GALNT14: variants seen among roughly 807,000 people sequenced by gnomAD.
The protein encoded by GALNT14 is polypeptide N-acetylgalactosaminyltransferase 14, also known as UDP-GalNAc:polypeptide N-acetylgalactosaminyltransferase 14.
A neutral mutation model predicts 77.5 loss-of-function variants in GALNT14; 60 were observed. That is an observed-to-expected ratio of 0.77 (90% CI 0.63 to 0.96). The LOEUF (loss-of-function observed/expected upper bound fraction) is 0.96. Among genes scored for constraint, GALNT14 ranks in the 40% least tolerant of loss-of-function variants. GALNT14 has a pLI of 0.00. For synonymous variants in GALNT14, 280 were observed against 281.7 expected, an observed-to-expected ratio of 0.99 and a Z score of 0.06; for missense variants, 710 against 731.0, an observed-to-expected ratio of 0.97 and a Z score of 0.33.
chr2:31,121,897 A>T (rs1173053934), intron 1 of GALNT14, among the ~76,000 whole-genome samples: 1 of 152,090 alleles, frequency 6.6e-6, no homozygotes, highest in Non-Finnish European at 1.5e-5. Flanking sequence ...GATAACCAAG[A>T]TCCAAATGCT....
intron 10 of GALNT14, among the ~76,000 whole-genome samples, chr2:30,930,222 G>T (rs890933643): frequency 2.6e-5 from 4 of 152,208 alleles, no homozygotes; most frequent in Admixed American, 2.0e-4. Context: ...CAAAGGCAGG[G>T]CCTGCATGGG....
At chr2:31,009,064 G>T (rs913902464) in intron 1 of GALNT14, among the ~76,000 whole-genome samples, 1 of 152,176 alleles carries the variant, frequency 6.6e-6, no homozygotes, top group South Asian at 2.1e-4. Flanking sequence ...AGCAGAACTT[G>T]CAATTCACTT....
chr2:30,997,391 G>A (rs1670101524), intron 1 of GALNT14, among the ~76,000 whole-genome samples: 1 of 152,168 alleles, frequency 6.6e-6, no homozygotes, highest in African/African-American at 2.4e-5. Context: ...TCTATACTGT[G>A]AATTCCATTT....
At chr2:31,133,200 A>T (rs560956310) in intron 1 of GALNT14, among the ~76,000 whole-genome samples, 1 of 152,316 alleles carries the variant, frequency 6.6e-6, no homozygotes, top group Admixed American at 6.5e-5. Flanking sequence ...CTCCGCGTGT[A>T]TTAAACTCTT....
At chr2:31,129,507 A>G (rs769588964) in intron 1 of GALNT14, 25 of 985,472 alleles carry the variant, frequency 2.5e-5, no homozygotes, top group Non-Finnish European at 2.7e-5. Context: ...TCAATTGGCC[A>G]TCTATTAATA....
intron 6 of GALNT14, among the ~76,000 whole-genome samples, chr2:30,948,005 G>A (rs933848616): frequency 6.6e-6 from 1 of 152,122 alleles, no homozygotes; most frequent in Non-Finnish European, 1.5e-5. Flanking sequence ...GGGGCTCTTG[G>A]GCCACTGTCA....
chr2:31,017,708 ACCTCTCACCTGGAGAGATGCCAGCAC>A (rs1267297194), intron 1 of GALNT14, among the ~76,000 whole-genome samples: 12 of 152,090 alleles, frequency 7.9e-5, no homozygotes, highest in African/African-American at 2.9e-4. Context: ...AAAGCCCAGC[ACCTCTCACCTGGAGAGATGCCAGCAC>A]CGCTGCACAG....
intron 9 of GALNT14, among the ~76,000 whole-genome samples, chr2:30,941,521 T>A (rs1464219365): frequency 6.6e-6 from 1 of 152,208 alleles, no homozygotes; most frequent in African/African-American, 2.4e-5. Flanking sequence ...GAGTATTAAG[T>A]ATCACTAGCT....
At chr2:30,953,633 G>C (rs1406514224) in intron 6 of GALNT14, among the ~76,000 whole-genome samples, 1 of 152,122 alleles carries the variant, frequency 6.6e-6, no homozygotes, top group African/African-American at 2.4e-5. Context: ...TAGAGTTTTT[G>C]TGTTGCTTCT....
chr2:31,054,383 G>C (rs532858496), intron 1 of GALNT14, among the ~76,000 whole-genome samples: 1 of 152,194 alleles, frequency 6.6e-6, no homozygotes, highest in Non-Finnish European at 1.5e-5. Flanking sequence ...TCTTTCCCCA[G>C]CTGCCTGATC....
chr2:30,952,348 G>A (rs1004379851), intron 6 of GALNT14, among the ~76,000 whole-genome samples: 1 of 151,786 alleles, frequency 6.6e-6, no homozygotes, highest in South Asian at 2.1e-4. Flanking sequence ...TAGCAAAGAC[G>A]TGGAACCAAC....
At chr2:31,099,582 G>T (rs915794989) in intron 1 of GALNT14, among the ~76,000 whole-genome samples, 5 of 151,924 alleles carry the variant, frequency 3.3e-5, no homozygotes, top group Non-Finnish European at 7.4e-5. Context: ...TGTATACATG[G>T]TGTGAGGTAT....
In GALNT14 at chr2:30,968,868, C is replaced by T. The variant is rs927781043; in HGVS notation, c.300-2566G>A. On this transcript the variant is annotated intron_variant, in intron 2 of 14. Transcript: ENST00000349752. ...AGCTCCCAGTGAGAAGAGACCTTGGCCTTGCTTATCTTTGGACACAGACCT... is the reference window on the plus strand; with the variant it reads ...AGCTCCCAGTGAGAAGAGACCTTGGTCTTGCTTATCTTTGGACACAGACCT... Among the ~76,000 whole-genome samples the T allele has an allele frequency of 2.6e-5, 4 of 152,174 alleles. No individual in the cohort carries two copies. The East Asian group carries it at 7.7e-4, about 29-fold the overall frequency.
intron 2 of GALNT14, among the ~76,000 whole-genome samples, chr2:30,977,092 CT>C (rs11314175): frequency 0.04 from 5,352 of 134,868 alleles, 127 homozygotes; most frequent in Middle Eastern, 0.1. Context: ...GCTTTTCTGT[CT>C]TTTTTTTTTT....
At chr2:31,121,793 G>T (rs1434679300) in intron 1 of GALNT14, among the ~76,000 whole-genome samples, 1 of 152,100 alleles carries the variant, frequency 6.6e-6, no homozygotes, top group Non-Finnish European at 1.5e-5. Context: ...TGGCGTAGAG[G>T]TGCTAGGATA....
intron 1 of GALNT14, among the ~76,000 whole-genome samples, chr2:31,072,288 C>T (rs1376779276): frequency 8.9e-6 from 1 of 112,076 alleles, no homozygotes; most frequent in Non-Finnish European, 1.6e-5. Flanking sequence ...CACATACACA[C>T]ACACACACAC....
At chr2:31,103,564 CA>C (rs1334751681) in intron 1 of GALNT14, among the ~76,000 whole-genome samples, 1 of 151,928 alleles carries the variant, frequency 6.6e-6, no homozygotes, top group Admixed American at 6.6e-5. Flanking sequence ...TCACTTCCAC[CA>C]ACTGATTTTA....
At chr2:30,974,319 C>T (rs1352108189) in intron 2 of GALNT14, among the ~76,000 whole-genome samples, 2 of 152,226 alleles carry the variant, frequency 1.3e-5, no homozygotes, top group East Asian at 1.9e-4. Flanking sequence ...ATTACTGCAG[C>T]AACTTCCTCT....
chr2:31,041,767 C>T (rs976061139), intron 1 of GALNT14, among the ~76,000 whole-genome samples: 1 of 151,964 alleles, frequency 6.6e-6, no homozygotes, highest in African/African-American at 2.4e-5. Flanking sequence ...AAAGTAGTCA[C>T]GGGAAAAAAG....
Sources: allele counts gnomAD v4.1 joint callset (sites outside exome capture counted in the v4.1 genomes callset), GRCh38; gene constraint gnomAD v4.1.1; transcripts MANE v1.5; gene names NCBI Gene and HGNC (gene_info 2026-07-23, HGNC 2026-07-21).